The following TCF12 variants were observed in gnomAD, a reference collection of about 807,000 sequenced individuals.
TCF12 encodes DNA-binding protein HTF4.
TCF12 carries 45 observed loss-of-function variants against 86.0 expected under a neutral mutation model. The ratio of observed to expected loss-of-function variants is 0.52; its 90% CI spans 0.41 to 0.67. TCF12 has a LOEUF of 0.67. Among genes scored for constraint, TCF12 ranks in the 30% least tolerant of loss-of-function variants. The pLI is 0.00. For missense variants in TCF12, 881 were observed against 859.9 expected, an observed-to-expected ratio of 1.02 and a Z score of -0.31; for synonymous variants, 330 against 299.6, an observed-to-expected ratio of 1.10 and a Z score of -1.05.
intron 6 of TCF12, among the ~76,000 whole-genome samples, chr15:57,177,953 C>G (rs1343651600): frequency 1.3e-5 from 2 of 152,086 alleles, no homozygotes; most frequent in Non-Finnish European, 2.9e-5. Flanking sequence ...TTTCTGTTCT[C>G]TCCATGAAAA....
intron 6 of TCF12, 127 bp from the exon 7 acceptor site, chr15:57,192,031 G>C (rs1265688735): frequency 9.8e-7 from 1 of 1,022,676 alleles, no homozygotes; most frequent in South Asian, 1.6e-5. Flanking sequence ...AATTCAAAAC[G>C]TACTTAATGG....
chr15:57,234,641 A>G (rs1440220185), intron 12 of TCF12, among the ~76,000 whole-genome samples: 1 of 152,240 alleles, frequency 6.6e-6, no homozygotes, highest in South Asian at 2.1e-4. Flanking sequence ...TTCTTGAGCA[A>G]CTAGTTCACA....
chr15:56,973,379 G>A (rs1441247478), intron 3 of TCF12, among the ~76,000 whole-genome samples: 2 of 151,998 alleles, frequency 1.3e-5, no homozygotes, highest in African/African-American at 4.8e-5. Context: ...GAGCAAAAGG[G>A]CACAGGATAT....
intron 3 of TCF12, among the ~76,000 whole-genome samples, chr15:57,016,964 T>C (rs1870145070): frequency 6.6e-6 from 1 of 152,148 alleles, no homozygotes; most frequent in African/African-American, 2.4e-5. Context: ...AGACATCCAT[T>C]TGGGCTCATC....
chr15:57,183,199 C>G (rs997732795), intron 6 of TCF12, among the ~76,000 whole-genome samples: 4 of 152,116 alleles, frequency 2.6e-5, no homozygotes, highest in South Asian at 2.1e-4. Context: ...CAATGAACAC[C>G]CATGTGAACT....
At chr15:57,114,327 G>T (rs1431370836) in intron 5 of TCF12, among the ~76,000 whole-genome samples, 2 of 152,152 alleles carry the variant, frequency 1.3e-5, no homozygotes, top group African/African-American at 4.8e-5. Context: ...ATCCTGTTCT[G>T]TTGTGCAGGC....
chr15:57,090,071 T>C (rs2048893509), intron 4 of TCF12, among the ~76,000 whole-genome samples: 1 of 151,812 alleles, frequency 6.6e-6, no homozygotes, highest in African/African-American at 2.4e-5. Flanking sequence ...TAAAAATTGA[T>C]TGGGTGTGGT....
At chr15:56,973,103 C>G (rs72749459) in intron 3 of TCF12, among the ~76,000 whole-genome samples, 4,589 of 151,996 alleles carry the variant, frequency 0.03, 113 homozygotes, top group South Asian at 0.061. Flanking sequence ...GGAGAAGACT[C>G]GAAGGAAGAG....
chr15:57,104,623 A>T (rs1473368004), intron 5 of TCF12, among the ~76,000 whole-genome samples: 1 of 151,028 alleles, frequency 6.6e-6, no homozygotes, highest in South Asian at 2.1e-4. Context: ...TTTAGAAGAG[A>T]TGGAGTTTTG....
chr15:56,946,738 G>A (rs1279341935), intron 3 of TCF12, among the ~76,000 whole-genome samples: 1 of 151,134 alleles, frequency 6.6e-6, no homozygotes, highest in Non-Finnish European at 1.5e-5. Context: ...TAAGTTATTA[G>A]GGATCAACTC....
chr15:57,226,827 G>A (rs1374007438), intron 8 of TCF12, among the ~76,000 whole-genome samples: 2 of 152,044 alleles, frequency 1.3e-5, no homozygotes, highest in Admixed American at 6.6e-5. Context: ...GTAGCCACAA[G>A]CAGTATTTAA....
At chr15:57,265,112 GTATA>G (rs2060799270) in intron 18 of TCF12, among the ~76,000 whole-genome samples, 1 of 146,762 alleles carries the variant, frequency 6.8e-6, no homozygotes, top group African/African-American at 2.5e-5. Flanking sequence ...GTATAGTATA[GTATA>G]GTATAGTATA....
At chr15:57,236,809 GC>G (rs2056280608) in intron 12 of TCF12, among the ~76,000 whole-genome samples, 1 of 150,410 alleles carries the variant, frequency 6.6e-6, no homozygotes, top group African/African-American at 2.5e-5. Context: ...AGTTCCCAAA[GC>G]CCTGTGGATT....
chr15:57,072,791 C>G (rs755103011), intron 4 of TCF12: 179 of 1,010,824 alleles, frequency 1.8e-4, no homozygotes, highest in Non-Finnish European at 2.0e-4. Flanking sequence ...TCTGAATGTT[C>G]TGAATGTGAA....
rs539790912 is a variant in TCF12 at position 56,989,552 on chromosome 15, G to A, written c.148+68454G>A. Among the ~76,000 whole-genome samples the A allele has an allele frequency of 4.6e-5, 7 of 152,334 alleles. No homozygotes were observed. The East Asian group carries it at 1.3e-3, about 29-fold the overall frequency. On this transcript the variant is annotated intron_variant, in intron 3 of 20. Transcript: ENST00000333725. ...ATATTGTGTTTATATTTTACAGTGT[G>A]TGTGTGTCTGTCTTTCTAAATCTTT...
chr15:56,971,847 T>C (rs1273463267), intron 3 of TCF12, among the ~76,000 whole-genome samples: 3 of 152,152 alleles, frequency 2.0e-5, no homozygotes, highest in Admixed American at 6.5e-5. Flanking sequence ...ATGTCCAAAC[T>C]AGGCAAATGT....
At chr15:57,095,398 G>A (rs943841468) in intron 5 of TCF12, among the ~76,000 whole-genome samples, 1 of 152,120 alleles carries the variant, frequency 6.6e-6, no homozygotes, top group South Asian at 2.1e-4. Flanking sequence ...GATGATGGGA[G>A]GATCAGTTTA....
intron 3 of TCF12, among the ~76,000 whole-genome samples, chr15:56,990,418 T>C (rs1167666790): frequency 3.9e-5 from 6 of 152,096 alleles, no homozygotes; most frequent in Non-Finnish European, 8.8e-5. Context: ...TATAGACTTG[T>C]AGTTATAGGA....
chr15:57,161,662 G>T (rs1596939618), intron 5 of TCF12, among the ~76,000 whole-genome samples: 1 of 152,094 alleles, frequency 6.6e-6, no homozygotes, highest in Non-Finnish European at 1.5e-5. Flanking sequence ...AACTTGAATG[G>T]GAAAAAATTG....
Sources: allele counts gnomAD v4.1 joint callset (sites outside exome capture counted in the v4.1 genomes callset), GRCh38; gene constraint gnomAD v4.1.1; transcripts MANE v1.5; gene names NCBI Gene and HGNC (gene_info 2026-07-23, HGNC 2026-07-21).